Variants in SDK2 observed in about 807,000 individuals in gnomAD.
SDK2 encodes the protein sidekick cell adhesion molecule 2.
In SDK2, 105 loss-of-function variants were observed where a neutral mutation model predicts 253.9. The ratio of observed to expected loss-of-function variants is 0.41; its 90% CI spans 0.35 to 0.49. The LOEUF (loss-of-function observed/expected upper bound fraction) is 0.49. Among genes scored for constraint, SDK2 ranks in the 20% least tolerant of loss-of-function variants. SDK2 has a pLI of 0.06. For missense variants in SDK2, 2,608 were observed against 3,003.0 expected (o/e 0.87, Z 3.07); for synonymous variants, 1,249 against 1,234.9 (o/e 1.01, Z -0.24).
At chr17:73,579,153 C>T (rs573115472) in intron 1 of SDK2, among the ~76,000 whole-genome samples, 1 of 152,144 alleles carries the variant, frequency 6.6e-6, no homozygotes, top group Non-Finnish European at 1.5e-5. Context: ...GCACGTCTGG[C>T]CTGAGCTCCT....
At chr17:73,478,365 T>C (rs1157350366) in intron 2 of SDK2, among the ~76,000 whole-genome samples, 1 of 152,074 alleles carries the variant, frequency 6.6e-6, no homozygotes, top group African/African-American at 2.4e-5. Flanking sequence ...TTTCTCCCAG[T>C]TCAATGGTCA....
intron 1 of SDK2, among the ~76,000 whole-genome samples, chr17:73,530,255 A>G: frequency 6.6e-6 from 1 of 152,224 alleles, no homozygotes; most frequent in South Asian, 2.1e-4. Context: ...ACAGTTCTGC[A>G]TGGCTGGGGA....
rs1380205242 is a variant in SDK2, at chr17:73,401,675, C to T, written c.2758G>A (p.Glu920Lys). Residue 920 changes from glutamate (E) to lysine (K), a missense_variant, in exon 20 of 45, where the codon GAG (glutamate) becomes AAG (lysine). Glu to Lys is a moderately conservative substitution (Grantham distance 56). Around this residue, in one of 2 missense-constraint regions of SDK2, gnomAD observed 1,505 missense variants for 1,859.1 expected, o/e 0.81. Coordinates refer to ENST00000392650, the MANE Select transcript of SDK2 (RefSeq NM_001144952.2). ...SLKVSWQEPG[E>K]KNGILTGYRI... ...CTACCTGTGAGGATGCCATTTTTCT[C>T]TCCCGGCTCTTGCCAGCTGACCTTC... The T allele has an allele frequency of 3.8e-6, 6 of 1,593,246 alleles. No individual in the cohort carries two copies. Among genetic ancestry groups the T allele is most frequent in the Non-Finnish European group, 3.4e-6 (4 of 1,169,106 alleles).
At chr17:73,620,198 C>CAA (rs111772920) in intron 1 of SDK2, among the ~76,000 whole-genome samples, 2,043 of 122,014 alleles carry the variant, frequency 0.017, 28 homozygotes, top group Middle Eastern at 0.045. Flanking sequence ...GATCCTGTCT[C>CAA]AAAAAAAAAA....
intron 3 of SDK2, among the ~76,000 whole-genome samples, 155 bp downstream of exon 3, chr17:73,471,957 C>A (rs1488991309): frequency 1.3e-5 from 2 of 152,228 alleles, no homozygotes; most frequent in Non-Finnish European, 2.9e-5. Context: ...GTTCTACCAA[C>A]TGCAAAATGA....
chr17:73,391,608 G>A, intron 27 of SDK2, 70 bp from the exon 28 acceptor site: 2 of 832,966 alleles, frequency 2.4e-6, no homozygotes, highest in East Asian at 6.7e-5. Flanking sequence ...CCCAGCTCGG[G>A]CAGAGCAGCC....
intron 1 of SDK2, among the ~76,000 whole-genome samples, chr17:73,535,109 C>A (rs1256672815): frequency 6.6e-6 from 1 of 152,200 alleles, no homozygotes; most frequent in Non-Finnish European, 1.5e-5. Flanking sequence ...CCCCTATAGC[C>A]CTGACCAGGA....
At chr17:73,641,827 A>C (rs2046402324) in intron 1 of SDK2, among the ~76,000 whole-genome samples, 1 of 152,086 alleles carries the variant, frequency 6.6e-6, no homozygotes, top group African/African-American at 2.4e-5. Context: ...CAGATAAGAA[A>C]GGACCTCATG....
chr17:73,507,725 G>C (rs1347322888), intron 1 of SDK2, 128 bp from the exon 2 acceptor site: 1 of 986,634 alleles, frequency 1.0e-6, no homozygotes, highest in African/African-American at 1.6e-5. Flanking sequence ...AAGGTCCCGT[G>C]GCTGGGAGGG....
chr17:73,579,186 A>G (rs1392594157), intron 1 of SDK2, among the ~76,000 whole-genome samples: 1 of 152,114 alleles, frequency 6.6e-6, no homozygotes, highest in African/African-American at 2.4e-5. Flanking sequence ...TGCCCCTTCA[A>G]GAGCCTCTCA....
chr17:73,453,370 G>GTT (rs34814268), intron 4 of SDK2, among the ~76,000 whole-genome samples: 3,520 of 141,152 alleles, frequency 0.025, 114 homozygotes, highest in African/African-American at 0.081. Context: ...CTGAGCTGGG[G>GTT]TTTTTTTTTT....
Position 73,621,769 on chromosome 17 carries a change from A to G in SDK2, c.64+22256T>C, listed in dbSNP as rs187359312. On this transcript the variant is annotated intron_variant, in intron 1 of 44. Transcript: ENST00000392650. ...ATAGAAATTACTCAATCTGAAGAAC[A>G]GAGAGTAAGAAGATTGAAAAAAGTG... is the stretch of plus-strand genomic sequence containing the variant. Among the ~76,000 whole-genome samples the G allele has an allele frequency of 3.3e-5, 5 of 152,302 alleles. No homozygotes were observed. The East Asian group carries it at 9.7e-4, about 29-fold the overall frequency.
At position 73,338,142 on chromosome 17, in the gene SDK2, G is replaced by A. The variant is rs189298711; in HGVS notation, c.*445C>T. The stretch of plus-strand genomic sequence containing the variant: ...CCGGGATGCCCATTCTTTTTGCAGA[G>A]AGCAGCGGCAGTGGGTCCAGGGGTC... On this transcript the variant is annotated 3_prime_UTR_variant, in exon 45 of 45. Coordinates refer to ENST00000392650, the MANE Select transcript of SDK2 (RefSeq NM_001144952.2). The surrounding 1 kb of genome is among the most constrained non-coding windows in gnomAD (Gnocchi z 5.0). The A allele has an allele frequency of 1.8e-4, 53 of 288,508 alleles. No individual in the cohort carries two copies. The highest frequency in any genetic ancestry group is 1.1e-3 in the African/African-American group (49 of 44,352). The allele number at this position is 288,508 out of a possible 1,614,324, so 17.9% of individuals were successfully genotyped here. A position where few individuals can be genotyped will look rare whatever the true frequency, so the allele number is the denominator to read the frequency against.
Position 73,455,231 on chromosome 17 carries a change from G to A in SDK2, c.479+675C>T, listed in dbSNP as rs574922182. Among the ~76,000 whole-genome samples, 2 of 152,138 alleles carry A rather than the reference G, an allele frequency of 1.3e-5. No individual in the cohort carries two copies. The highest frequency in any genetic ancestry group is 2.4e-5 in the African/African-American group (1 of 41,440). ...GAGAGCCCCAGCTGCCTCCAGACCCGGGGGTGGCTCAGGAGGGCGGGGAGA... is the reference window on the plus strand; with the variant it reads ...GAGAGCCCCAGCTGCCTCCAGACCCAGGGGTGGCTCAGGAGGGCGGGGAGA... On this transcript the variant is annotated intron_variant, in intron 4 of 44. Coordinates refer to ENST00000392650, the MANE Select transcript of SDK2 (RefSeq NM_001144952.2). This position sits in a 1 kb window ranked among gnomAD's most constrained non-coding sequence, Gnocchi z 5.0.
chr17:73,444,753 T>C (rs1021574291), intron 5 of SDK2, among the ~76,000 whole-genome samples: 11 of 152,188 alleles, frequency 7.2e-5, no homozygotes, highest in African/African-American at 2.2e-4. Context: ...TCAGGGACCA[T>C]GGGACTCGCC....
At chr17:73,405,544 T>G in intron 18 of SDK2, among the ~76,000 whole-genome samples, 1 of 129,234 alleles carries the variant, frequency 7.7e-6, no homozygotes, top group East Asian at 2.4e-4. Context: ...GAAAGTACAT[T>G]GTCACTTATC....
At chr17:73,416,585 A>G (rs11077681) in intron 16 of SDK2, among the ~76,000 whole-genome samples, 103,793 of 151,648 alleles carry the variant, frequency 0.68, 36,587 homozygotes, top group Non-Finnish European at 0.77. Flanking sequence ...TACACACAGA[A>G]CTATTATTTT....
chr17:73,405,217 TGA>T (rs2063061422), intron 18 of SDK2, among the ~76,000 whole-genome samples: 1 of 218 alleles, frequency 4.6e-3, no homozygotes, highest in African/African-American at 5.4e-3. Flanking sequence ...CCAATGTGGG[TGA>T]ATCACGAGGT....
rs758603675 is a variant in SDK2, at chr17:73,379,411, A to G, written c.4864+37T>C. ...CAGCTGAACTGGGTGGGGCTGGGAAAGGCATGCTGGGGCCGGACAGGGCGG... is the reference window on the plus strand; with the variant it reads ...CAGCTGAACTGGGTGGGGCTGGGAAGGGCATGCTGGGGCCGGACAGGGCGG... On this transcript the variant is annotated intron_variant, in intron 35 of 44. Transcript: ENST00000392650. This position sits in a 1 kb window ranked among gnomAD's most constrained non-coding sequence, Gnocchi z 4.5. 1.3e-6 allele frequency: 2 copies of G among 1,551,684 alleles called. No individual in the cohort carries two copies. The highest frequency in any genetic ancestry group is 8.8e-7 in the Non-Finnish European group (1 of 1,133,872).
Sources: gnomAD v4.1 joint callset for allele counts (sites outside exome capture counted in the v4.1 genomes callset) on GRCh38, gnomAD v4.1.1 for gene constraint, gnomAD v4.1.1 regional missense constraint, Gnocchi (gnomAD v3.1) non-coding constraint, MANE v1.5 for transcripts, NCBI Gene and HGNC (gene_info 2026-07-23, HGNC 2026-07-21) for gene names.